Variants in INSC observed in about 807,000 individuals in gnomAD.
The protein encoded by INSC is protein inscuteable homolog.
Under a neutral mutation model 58.6 loss-of-function variants are expected in INSC, and 67 were observed. That is an observed-to-expected ratio of 1.14 (90% CI 0.94 to 1.40). INSC has a LOEUF of 1.40. Ranked by LOEUF, INSC falls within the 40% of genes most tolerant of loss-of-function variation. The probability of loss-of-function intolerance (pLI) is 0.00; values close to 1 mark genes in which losing one functional copy is unlikely to be tolerated. For synonymous variants in INSC, 262 were observed against 276.1 expected, an observed-to-expected ratio of 0.95 and a Z score of 0.51; for missense variants, 714 against 692.0, an observed-to-expected ratio of 1.03 and a Z score of -0.36.
chr11:15,269,500 T>C, the INSC span, among the ~76,000 whole-genome samples: 88 of 151,990 alleles, frequency 5.8e-4, no homozygotes, highest in African/African-American at 2.1e-3. Context: ...TTTTTATCCA[T>C]CCATGGCTGA....
intron 10 of INSC, among the ~76,000 whole-genome samples, chr11:15,238,086 C>T (rs1329102502): frequency 1.3e-5 from 2 of 152,044 alleles, no homozygotes; most frequent in Admixed American, 6.6e-5. Context: ...TTGCTACAAC[C>T]TGCAGGGTGG....
At chr11:15,175,329 T>C (rs927514639) in intron 2 of INSC, among the ~76,000 whole-genome samples, 1 of 152,250 alleles carries the variant, frequency 6.6e-6, no homozygotes, top group African/African-American at 2.4e-5. Context: ...AGCTATACCA[T>C]AGCTCACTTA....
At chr11:15,137,355 A>C (rs556017421) in intron 1 of INSC, among the ~76,000 whole-genome samples, 125 of 152,336 alleles carry the variant, frequency 8.2e-4, no homozygotes, top group African/African-American at 2.9e-3. Context: ...CTAACAAGAG[A>C]GTCAGCCTGC....
the INSC span, among the ~76,000 whole-genome samples, chr11:15,268,713 A>G: frequency 3.3e-3 from 497 of 152,210 alleles, 3 homozygotes; most frequent in African/African-American, 0.012. Context: ...TGTTGTTCAC[A>G]TCAGGATTGG....
intron 9 of INSC, among the ~76,000 whole-genome samples, chr11:15,233,806 T>C (rs191197424): frequency 6.6e-6 from 1 of 152,226 alleles, no homozygotes; most frequent in East Asian, 1.9e-4. Flanking sequence ...AGCCTGGTGA[T>C]GGTGGGATGT....
intron 9 of INSC, among the ~76,000 whole-genome samples, chr11:15,228,885 C>G (rs949183525): frequency 6.6e-6 from 1 of 152,182 alleles, no homozygotes; most frequent in African/African-American, 2.4e-5. Context: ...GACCTAGGCT[C>G]TTCTATACCC....
chr11:15,145,680 A>G (rs1361355026), intron 1 of INSC, among the ~76,000 whole-genome samples: 1 of 152,186 alleles, frequency 6.6e-6, no homozygotes, highest in East Asian at 1.9e-4. Context: ...TAAATGAGGA[A>G]CAAAAGAGAA....
intron 1 of INSC, among the ~76,000 whole-genome samples, chr11:15,130,706 C>T (rs908897659): frequency 1.6e-4 from 25 of 152,018 alleles, no homozygotes; most frequent in Non-Finnish European, 3.2e-4. Context: ...GTTTTCCTTA[C>T]GGGAAGATTT....
chr11:15,241,601 A>G (rs530934042), intron 12 of INSC: 2 of 702,938 alleles, frequency 2.8e-6, no homozygotes, highest in Non-Finnish European at 5.2e-6. Context: ...AAAAAGACAA[A>G]CATCTCTGCC....
At chr11:15,132,016 T>C (rs956820249) in intron 1 of INSC, among the ~76,000 whole-genome samples, 1 of 152,166 alleles carries the variant, frequency 6.6e-6, no homozygotes. Context: ...TGGATTAATT[T>C]TTAAAATTTA....
At chr11:15,126,707 T>G (rs1168360594) in intron 1 of INSC, among the ~76,000 whole-genome samples, 1 of 152,228 alleles carries the variant, frequency 6.6e-6, no homozygotes, top group Non-Finnish European at 1.5e-5. Flanking sequence ...CATATCTCTT[T>G]CAATGGGAAT....
At chr11:15,193,281 A>T (rs971770462) in intron 6 of INSC, among the ~76,000 whole-genome samples, 1 of 152,188 alleles carries the variant, frequency 6.6e-6, no homozygotes, top group African/African-American at 2.4e-5. Context: ...CTGGAAGGCA[A>T]TTTTTTTAAC....
chr11:15,212,812 A>G (rs1012190397), intron 7 of INSC, among the ~76,000 whole-genome samples: 2 of 152,148 alleles, frequency 1.3e-5, no homozygotes, highest in African/African-American at 2.4e-5. Context: ...TACTTTTTCA[A>G]TCCTTCTATT....
In INSC at chr11:15,219,433, G is replaced by C. The variant is rs1337896422; in HGVS notation, c.820-2044G>C. Among the ~76,000 whole-genome samples, 3 of 152,276 alleles carry C rather than the reference G, an allele frequency of 2.0e-5. No homozygotes were observed. In the East Asian group the frequency reaches 5.8e-4, roughly 29 times the overall value. On this transcript the variant is annotated intron_variant, in intron 7 of 12. Coordinates refer to ENST00000379556, the MANE Select transcript of INSC (RefSeq NM_001042536.3). The stretch of plus-strand genomic sequence containing the variant: ...TGTGAATCACCTCCCCAACTGCAGT[G>C]GACACTGTTCCCAGCACAAGGCTTG...
At chr11:15,252,510 G>A in the INSC span, among the ~76,000 whole-genome samples, 1,214 of 152,276 alleles carry the variant, frequency 8.0e-3, 9 homozygotes, top group Non-Finnish European at 0.012. Context: ...GTTAGTAGTG[G>A]GAGGCCTCAG....
intron 7 of INSC, among the ~76,000 whole-genome samples, chr11:15,208,554 G>A (rs1453141168): frequency 6.6e-6 from 1 of 152,232 alleles, no homozygotes; most frequent in African/African-American, 2.4e-5. Flanking sequence ...ATGCAAAGAG[G>A]CAGGAACTAA....
At chr11:15,140,027 G>A (rs1022573511) in intron 1 of INSC, among the ~76,000 whole-genome samples, 18 of 152,220 alleles carry the variant, frequency 1.2e-4, no homozygotes, top group Non-Finnish European at 2.5e-4. Flanking sequence ...ACAAGGTGAA[G>A]ACAGCCATGG....
intron 2 of INSC, among the ~76,000 whole-genome samples, chr11:15,154,123 A>G (rs1848735666): frequency 6.6e-6 from 1 of 152,236 alleles, no homozygotes; most frequent in Admixed American, 6.5e-5. Context: ...TCAAGGATAA[A>G]TGTTCTAAGG....
downstream of INSC, among the ~76,000 whole-genome samples, chr11:15,249,183 T>C (rs1325148925): frequency 2.0e-5 from 3 of 152,272 alleles, no homozygotes; most frequent in East Asian, 3.9e-4. Context: ...CAAGCCTCTT[T>C]AGAAGAGAGC....
Sources: gnomAD v4.1 joint callset for allele counts (sites outside exome capture counted in the v4.1 genomes callset) on GRCh38, gnomAD v4.1.1 for gene constraint, MANE v1.5 for transcripts, NCBI Gene and HGNC (gene_info 2026-07-23, HGNC 2026-07-21) for gene names.